Variants in BPIFB2 observed in about 807,000 individuals in gnomAD.
BPIFB2 encodes the protein BPI fold containing family B member 2, also known as BPI fold-containing family B member 2.
In BPIFB2, 39 loss-of-function variants were observed where a neutral mutation model predicts 50.1. The observed-to-expected ratio is 0.78, with a 90% CI of 0.60 to 1.02. BPIFB2 has a LOEUF of 1.02. Among genes scored for constraint, BPIFB2 ranks in the 50% least tolerant of loss-of-function variants. The pLI is 0.00. For missense variants in BPIFB2, 574 were observed against 585.8 expected, an observed-to-expected ratio of 0.98 and a Z score of 0.21; for synonymous variants, 280 against 256.3, an observed-to-expected ratio of 1.09 and a Z score of -0.88.
At chr20:33,008,478 G>A in intron 1 of BPIFB2, 63 bp from the exon 2 acceptor site, 2 of 949,710 alleles carry the variant, frequency 2.1e-6, no homozygotes, top group South Asian at 1.7e-5. Context: ...GCTGGAGTGG[G>A]GTTCGGGTGG....
chr20:33,022,605 T>C (rs1376082769), intron 15 of BPIFB2, among the ~76,000 whole-genome samples: 4 of 152,206 alleles, frequency 2.6e-5, no homozygotes, highest in Non-Finnish European at 5.9e-5. Context: ...CTGTTACCAA[T>C]GGAACTTTCT....
rs542148093 is a variant in BPIFB2, at chr20:33,016,459, C to T, written c.517-583C>T. Among the ~76,000 whole-genome samples, 15 of 152,324 alleles carry T rather than the reference C, an allele frequency of 9.8e-5. No individual in the cohort carries two copies. The South Asian group carries it at 1.7e-3, about 17-fold the overall frequency. ...CACCCTCTCCTCTTCCTCTCGACCT[C>T]GCCCTGCCCAGTCTCGCCAGCTCTT... On this transcript the variant is annotated intron_variant, in intron 6 of 15. Coordinates refer to ENST00000170150, the MANE Select transcript of BPIFB2 (RefSeq NM_025227.3).
chr20:33,021,615 T>C, intron 14 of BPIFB2, 108 bp from the exon 15 acceptor site: 1 of 1,167,838 alleles, frequency 8.6e-7, no homozygotes, highest in African/African-American at 1.5e-5. Context: ...ATAACAATAA[T>C]GGCATCCATC....
chr20:33,011,597 T>A (rs761655993), intron 3 of BPIFB2, among the ~76,000 whole-genome samples: 1 of 152,232 alleles, frequency 6.6e-6, no homozygotes, highest in Non-Finnish European at 1.5e-5. Flanking sequence ...ACATAGGAAC[T>A]AGGGCTCACT....
chr20:33,019,666 C>T lies in BPIFB2; in HGVS notation c.996C>T (p.Asn332=), dbSNP rs769070311. The T allele has an allele frequency of 2.7e-5, 43 of 1,612,586 alleles. No individual in the cohort carries two copies. The highest frequency in any genetic ancestry group is 5.0e-5 in the Admixed American group (3 of 59,940). Residue 332 remains asparagine (N), a synonymous_variant, in exon 11 of 16, where the codon AAC becomes AAT. Transcript: ENST00000170150. ...ATPVAMLHTN[N]ATLRLQPFVE... ...CTGTGGCCATGCTCCACACAAACAA[C>T]GCCACCCTGCGGCTGCAGCCCTTCG...
At chr20:33,012,766 TG>T in intron 3 of BPIFB2, 36 bp from the exon 4 acceptor site, 4 of 1,529,390 alleles carry the variant, frequency 2.6e-6, no homozygotes, top group Non-Finnish European at 3.6e-6. Context: ...CATGGTTTAA[TG>T]GGGGCCACTC....
intron 2 of BPIFB2, 140 bp downstream of exon 2, chr20:33,008,823 A>T: frequency 3.0e-6 from 2 of 663,150 alleles, no homozygotes; most frequent in Admixed American, 3.4e-5. Context: ...GCACCCAGAC[A>T]GTGCCTGACA....
intron 7 of BPIFB2, among the ~76,000 whole-genome samples, chr20:33,017,837 G>T (rs1978493580): frequency 6.6e-6 from 1 of 152,240 alleles, no homozygotes; most frequent in Admixed American, 6.5e-5. Flanking sequence ...CTACAGGATT[G>T]TAACGAGGAT....
At position 33,008,634 on chromosome 20, in the gene BPIFB2, C is replaced by T. The variant is rs1282092824; in HGVS notation, c.60C>T (p.Ala20=). ...CACTGCTGCTGCCCGTGGTCGGTGC[C>T]TCCACGCCAGGCACCGTGGTCCGAC... ...LLALLLPVVG[A]STPGTVVRLN... Residue 20 remains alanine, a synonymous_variant, in exon 2 of 16, where the codon GCC becomes GCT. Coordinates refer to ENST00000170150, the MANE Select transcript of BPIFB2 (RefSeq NM_025227.3). 1.5e-5 allele frequency: 24 copies of T among 1,608,152 alleles called. No homozygotes were observed. Among genetic ancestry groups the T allele is most frequent in the Non-Finnish European group, 2.0e-5 (24 of 1,177,430 alleles).
chr20:33,022,516 A>G (rs1978713389), intron 15 of BPIFB2, among the ~76,000 whole-genome samples: 1 of 152,222 alleles, frequency 6.6e-6, no homozygotes, highest in Non-Finnish European at 1.5e-5. Context: ...GGACTTCCCA[A>G]AACAGGCAGT....
rs1014863369 is a variant in BPIFB2, at chr20:33,023,522, T to A, written c.*139T>A. ...TGGACTGCTTAGCTGGGCTGTTTTA[T>A]CTTCCCTGAGTGCCTGGGTCTCCCT... On this transcript the variant is annotated 3_prime_UTR_variant, in exon 16 of 16. Coordinates refer to ENST00000170150, the MANE Select transcript of BPIFB2 (RefSeq NM_025227.3). The A allele has an allele frequency of 2.2e-5, 22 of 1,001,498 alleles. No homozygotes were observed. The highest frequency in any genetic ancestry group is 3.4e-5 in the Non-Finnish European group (22 of 655,246). 62.0% of individuals were successfully genotyped at this position (1,001,498 alleles called of 1,614,324 possible).
Position 33,010,540 on chromosome 20 carries a change from G to A in BPIFB2, c.110-484G>A, listed in dbSNP as rs148963291. Among the ~76,000 whole-genome samples the A allele has an allele frequency of 4.3e-3, 662 of 152,222 alleles. 6 individuals are homozygous for A. Among genetic ancestry groups the A allele is most frequent in the African/African-American group, 0.015 (627 of 41,522 alleles). ...GGCAGTGAGTAGCAGTGAGCACTGC[G>A]GTTTGAAACCAGGATCTGAGAGACT... is the stretch of plus-strand genomic sequence containing the variant. On this transcript the variant is annotated intron_variant, in intron 2 of 15. Coordinates refer to ENST00000170150, the MANE Select transcript of BPIFB2 (RefSeq NM_025227.3).
intron 11 of BPIFB2, 110 bp downstream of exon 11, chr20:33,019,860 C>T: frequency 7.6e-7 from 1 of 1,319,586 alleles, no homozygotes; most frequent in Non-Finnish European, 1.0e-6. Context: ...TTCGCTGTTC[C>T]TTGAATGTGT....
rs374765092 is a variant in BPIFB2 at position 33,016,999 on chromosome 20, G to C, written c.517-43G>C. ...CTCAGCCTTGTGCCCTCCAGCCCCA[G>C]GGCTGCCCTAACCCCAGCCTCCTTC... On this transcript the variant is annotated intron_variant, in intron 6 of 15. Coordinates refer to ENST00000170150, the MANE Select transcript of BPIFB2 (RefSeq NM_025227.3). The C allele has an allele frequency of 4.3e-5, 68 of 1,583,992 alleles. No homozygotes were observed. In the African/African-American group the frequency reaches 7.8e-4, roughly 18 times the overall value.
Position 33,009,512 on chromosome 20 carries a change from TG to T in BPIFB2, c.109+832del, listed in dbSNP as rs1174772560. Among the ~76,000 whole-genome samples, 1 of 152,214 alleles carries T rather than the reference TG, an allele frequency of 6.6e-6. No individual in the cohort carries two copies. Among genetic ancestry groups the T allele is most frequent in the Non-Finnish European group, 1.5e-5 (1 of 68,042 alleles). On this transcript the variant is annotated intron_variant, in intron 2 of 15. Coordinates refer to ENST00000170150, the MANE Select transcript of BPIFB2 (RefSeq NM_025227.3). This position sits in a 1 kb window ranked among gnomAD's most constrained non-coding sequence, Gnocchi z 4.2. ...TGAGAAAGTCAGGTCAGACAGTAGA[TG>T]GGACCTTCAGTGGCCCAGGACATGA...
intron 15 of BPIFB2, among the ~76,000 whole-genome samples, chr20:33,022,148 G>A (rs1978698318): frequency 6.6e-6 from 1 of 152,154 alleles, no homozygotes; most frequent in South Asian, 2.1e-4. Flanking sequence ...TGGGAGTAGG[G>A]AACTTCCTGA....
chr20:33,021,031 C>T (rs559560365), intron 13 of BPIFB2, among the ~76,000 whole-genome samples: 1 of 152,284 alleles, frequency 6.6e-6, no homozygotes, highest in South Asian at 2.1e-4. Flanking sequence ...CAGTGCCTGT[C>T]CCTCAGCCTC....
Position 33,009,453 on chromosome 20 carries a change from C to T in BPIFB2, c.109+770C>T, listed in dbSNP as rs1600509993. On this transcript the variant is annotated intron_variant, in intron 2 of 15. Coordinates refer to ENST00000170150, the MANE Select transcript of BPIFB2 (RefSeq NM_025227.3). The surrounding 1 kb of genome is among the most constrained non-coding windows in gnomAD (Gnocchi z 4.2). ...CCCACCAAAGCCAGGAGATCAGAAG[C>T]GGTTTCCCCCAAGGCCAAACTCAGA... Among the ~76,000 whole-genome samples the T allele has an allele frequency of 2.6e-5, 4 of 152,322 alleles. 1 individual carries two copies. Among genetic ancestry groups the T allele is most frequent in the African/African-American group, 9.6e-5 (4 of 41,558 alleles).
intron 10 of BPIFB2, among the ~76,000 whole-genome samples, 184 bp from the exon 11 acceptor site, chr20:33,019,396 G>C (rs538701133): frequency 6.6e-6 from 1 of 152,190 alleles, no homozygotes; most frequent in South Asian, 2.1e-4. Flanking sequence ...TCCTCGGGGA[G>C]ATCCAACCCC....
Sources: allele counts gnomAD v4.1 joint callset (sites outside exome capture counted in the v4.1 genomes callset), GRCh38; gene constraint gnomAD v4.1.1; non-coding constraint Gnocchi (gnomAD v3.1); transcripts MANE v1.5; gene names NCBI Gene and HGNC (gene_info 2026-07-23, HGNC 2026-07-21).